Variants in CSGALNACT1 observed in about 807,000 individuals in gnomAD.
CSGALNACT1 encodes chondroitin sulfate N-acetylgalactosaminyltransferase 1.
CSGALNACT1 carries 52 observed loss-of-function variants against 51.0 expected under a neutral mutation model. The observed-to-expected ratio is 1.02, with a 90% confidence interval of 0.82 to 1.29. The LOEUF (loss-of-function observed/expected upper bound fraction) is 1.29. Ranked by LOEUF, CSGALNACT1 falls within the 50% of genes most tolerant of loss-of-function variation. CSGALNACT1 has a pLI of 0.00. For synonymous variants in CSGALNACT1, 341 were observed against 254.4 expected, an observed-to-expected ratio of 1.34 and a Z score of -3.24; for missense variants, 935 against 679.2, an observed-to-expected ratio of 1.38 and a Z score of -4.19.
intron 1 of CSGALNACT1, among the ~76,000 whole-genome samples, chr8:19,630,883 C>T (rs541103689): frequency 6.6e-6 from 1 of 152,236 alleles, no homozygotes; most frequent in South Asian, 2.1e-4. Flanking sequence ...CCCAGACACC[C>T]GCCTCCCTAC....
At chr8:19,559,969 C>G (rs1305955205) in intron 3 of CSGALNACT1, among the ~76,000 whole-genome samples, 5 of 152,164 alleles carry the variant, frequency 3.3e-5, no homozygotes, top group Non-Finnish European at 5.9e-5. Context: ...CCAGGCTGTT[C>G]TCTCAGATAT....
chr8:19,466,424 C>G (rs191884590), intron 4 of CSGALNACT1, among the ~76,000 whole-genome samples: 163 of 152,272 alleles, frequency 1.1e-3, no homozygotes, highest in Admixed American at 1.5e-3. Flanking sequence ...AATCTGTTTA[C>G]GCTTTGCACC....
At chr8:19,455,905 T>A (rs2063986204) in intron 5 of CSGALNACT1, among the ~76,000 whole-genome samples, 1 of 152,232 alleles carries the variant, frequency 6.6e-6, no homozygotes, top group African/African-American at 2.4e-5. Flanking sequence ...GTCTAGCACA[T>A]GCAAAAGGCT....
chr8:19,513,434 C>CTATATAAATATATATATA (rs1353825526), intron 3 of CSGALNACT1, among the ~76,000 whole-genome samples: 1 of 66,534 alleles, frequency 1.5e-5, no homozygotes, highest in Non-Finnish European at 3.3e-5. Context: ...CTCTCTCTCT[C>CTATATAAATATATATATA]TCTATATATA....
At chr8:19,644,582 C>A (rs576510577) in intron 1 of CSGALNACT1, among the ~76,000 whole-genome samples, 15 of 151,472 alleles carry the variant, frequency 9.9e-5, no homozygotes, top group African/African-American at 2.9e-4. Flanking sequence ...TAGTGGCATG[C>A]GCCTGTAATC....
At chr8:19,461,430 C>T (rs934425725) in intron 4 of CSGALNACT1, among the ~76,000 whole-genome samples, 4 of 150,934 alleles carry the variant, frequency 2.7e-5, no homozygotes, top group Non-Finnish European at 5.9e-5. Flanking sequence ...CCACACAGCA[C>T]CCATATTCAC....
chr8:19,465,875 T>C (rs534008730), intron 4 of CSGALNACT1, among the ~76,000 whole-genome samples: 8 of 152,164 alleles, frequency 5.3e-5, no homozygotes, highest in Non-Finnish European at 8.8e-5. Flanking sequence ...ATTTACCCCC[T>C]GGAGTCACTT....
intron 1 of CSGALNACT1, among the ~76,000 whole-genome samples, chr8:19,755,456 CAAAAAAAAAAAAAA>C (rs71205945): frequency 1.3e-5 from 1 of 74,532 alleles, no homozygotes; most frequent in Non-Finnish European, 2.5e-5. Context: ...TAAAGAAAGA[CAAAAAAAAAAAAAA>C]AAAAAAAAAA....
intron 1 of CSGALNACT1, among the ~76,000 whole-genome samples, chr8:19,702,654 A>G (rs973287974): frequency 6.6e-6 from 1 of 152,150 alleles, no homozygotes; most frequent in Non-Finnish European, 1.5e-5. Flanking sequence ...TGCACCTGGA[A>G]TGCTCCATCT....
intron 3 of CSGALNACT1, among the ~76,000 whole-genome samples, chr8:19,540,493 T>C (rs1323307088): frequency 6.6e-6 from 1 of 152,224 alleles, no homozygotes; most frequent in Non-Finnish European, 1.5e-5. Context: ...TAAACACTTG[T>C]TTTGAATAAA....
chr8:19,643,841 A>T (rs919936293), intron 1 of CSGALNACT1, among the ~76,000 whole-genome samples: 1 of 152,256 alleles, frequency 6.6e-6, no homozygotes, highest in African/African-American at 2.4e-5. Flanking sequence ...GCTGCAGTGG[A>T]AATTGGCTCA....
At chr8:19,456,013 G>T (rs1242687313) in intron 5 of CSGALNACT1, among the ~76,000 whole-genome samples, 1 of 152,180 alleles carries the variant, frequency 6.6e-6, no homozygotes, top group East Asian at 1.9e-4. Context: ...CATATGGTGG[G>T]CTGAGATGAA....
intron 2 of CSGALNACT1, among the ~76,000 whole-genome samples, chr8:19,598,743 G>C (rs1401826020): frequency 6.6e-6 from 1 of 152,166 alleles, no homozygotes; most frequent in Non-Finnish European, 1.5e-5. Context: ...CCCTGCTCAG[G>C]GGTGAGTTCA....
chr8:19,593,630 G>T (rs964949211), intron 2 of CSGALNACT1, among the ~76,000 whole-genome samples: 6 of 152,204 alleles, frequency 3.9e-5, no homozygotes, highest in Non-Finnish European at 7.4e-5. Flanking sequence ...TTTCTTTACA[G>T]GGTATGAATA....
At chr8:19,487,337 T>C (rs961488387) in intron 4 of CSGALNACT1, among the ~76,000 whole-genome samples, 3 of 152,124 alleles carry the variant, frequency 2.0e-5, no homozygotes, top group Non-Finnish European at 4.4e-5. Context: ...ATGTCGTCTT[T>C]CTCTTACTGC....
At chr8:19,552,340 G>T (rs1173201890) in intron 3 of CSGALNACT1, among the ~76,000 whole-genome samples, 1 of 152,116 alleles carries the variant, frequency 6.6e-6, no homozygotes, top group African/African-American at 2.4e-5. Context: ...CCAGAAGAGG[G>T]TGTAGAGTTT....
intron 3 of CSGALNACT1, among the ~76,000 whole-genome samples, chr8:19,577,245 G>A (rs2044446094): frequency 6.6e-6 from 1 of 152,016 alleles, no homozygotes; most frequent in African/African-American, 2.4e-5. Flanking sequence ...CTACTGCTGG[G>A]GATGAGTCGT....
intron 1 of CSGALNACT1, among the ~76,000 whole-genome samples, chr8:19,608,611 C>T (rs540584271): frequency 3.2e-4 from 48 of 152,296 alleles, no homozygotes; most frequent in African/African-American, 1.0e-3. Flanking sequence ...CCAGCCTTTT[C>T]GGGCAAAGAC....
chr8:19,701,144 C>G (rs979463567), intron 1 of CSGALNACT1, among the ~76,000 whole-genome samples: 5 of 111,546 alleles, frequency 4.5e-5, no homozygotes, highest in Non-Finnish European at 9.2e-5. Context: ...TTCAGTTCAT[C>G]TATTATCCGT....
Sources: gnomAD v4.1 joint callset for allele counts (sites outside exome capture counted in the v4.1 genomes callset) on GRCh38, gnomAD v4.1.1 for gene constraint, MANE v1.5 for transcripts, NCBI Gene and HGNC (gene_info 2026-07-23, HGNC 2026-07-21) for gene names.